Variants in KCNG3 observed in about 807,000 individuals in gnomAD.
The protein encoded by KCNG3 is potassium voltage-gated channel modifier subfamily G member 3.
KCNG3 carries 15 observed loss-of-function variants against 29.0 expected under a neutral mutation model. The observed-to-expected ratio is 0.52, with a 90% CI of 0.35 to 0.80. The LOEUF (loss-of-function observed/expected upper bound fraction) is 0.80, where lower values mean the gene tolerates loss of function less well. Ranked by LOEUF, KCNG3 falls within the 30% of genes least tolerant of loss-of-function variation. KCNG3 has a pLI of 0.01. For missense variants in KCNG3, 512 were observed against 605.7 expected (o/e 0.85, Z 1.62); for synonymous variants, 322 against 248.9 (o/e 1.29, Z -2.76).
At chr2:42,404,084 A>C in the KCNG3 span, among the ~76,000 whole-genome samples, 4 of 152,202 alleles carry the variant, frequency 2.6e-5, no homozygotes, top group Non-Finnish European at 5.9e-5. Flanking sequence ...CCGGCCCATA[A>C]AACGGTCCAG....
At position 42,475,453 on chromosome 2, in the gene KCNG3, C is replaced by T. The variant is rs564743583; in HGVS notation, c.665+17384G>A. On this transcript the variant is annotated intron_variant, in intron 1 of 1. Transcript: ENST00000306078. The stretch of plus-strand genomic sequence containing the variant: ...AAGTGATTCTCGTGCCTCAGCCTCC[C>T]GGATAGCTGGGATAAGAGGTGCACA... 6.1e-4 allele frequency among the ~76,000 whole-genome samples: 92 copies of T among 151,528 alleles called. 1 individual carries two copies. The highest frequency in any genetic ancestry group is 2.0e-3 in the African/African-American group (84 of 41,320).
In KCNG3 at chr2:42,444,517, G is replaced by C; in HGVS notation, c.728C>G (p.Ser243Cys). The C allele has an allele frequency of 6.2e-7, 1 of 1,614,086 alleles. No individual in the cohort carries two copies. The highest frequency in any genetic ancestry group is 8.5e-7 in the Non-Finnish European group (1 of 1,179,998). Residue 243 changes from serine (S) to cysteine (C), a missense_variant, in exon 2 of 2, where the codon TCC becomes TGC. Ser to Cys is a moderately radical substitution (Grantham distance 112). This residue lies in a region of KCNG3 where 173 missense variants were observed against 262.4 expected (regional missense o/e 0.66). Transcript: ENST00000306078. This position sits in a 1 kb window ranked among gnomAD's most constrained non-coding sequence, Gnocchi z 5.8. ...TAECIVRFIV[S>C]KNKCEFVKRP... ...CTTGACAAACTCACACTTGTTTTTG[G>C]AGACAATGAACCTCACGATGCACTC...
At chr2:42,414,997 T>C in the KCNG3 span, among the ~76,000 whole-genome samples, 1 of 152,340 alleles carries the variant, frequency 6.6e-6, no homozygotes, top group Admixed American at 6.5e-5. Context: ...ACTGTTTATA[T>C]TTCTTGATAT....
intron 1 of KCNG3, among the ~76,000 whole-genome samples, chr2:42,474,922 A>G (rs1024335314): frequency 1.3e-5 from 2 of 152,190 alleles, no homozygotes; most frequent in African/African-American, 2.4e-5. Context: ...AGCTGACCCA[A>G]TGTACACGAC....
the KCNG3 span, among the ~76,000 whole-genome samples, chr2:42,393,629 T>C: frequency 6.6e-6 from 1 of 152,160 alleles, no homozygotes; most frequent in Non-Finnish European, 1.5e-5. Flanking sequence ...ATAGTACTGT[T>C]AGACTTAGAC....
the KCNG3 span, among the ~76,000 whole-genome samples, chr2:42,414,285 T>A: frequency 6.6e-6 from 1 of 152,182 alleles, no homozygotes; most frequent in African/African-American, 2.4e-5. Context: ...GGTCCTTGTG[T>A]GTGTTAAAAT....
chr2:42,473,522 G>T (rs529085207), intron 1 of KCNG3, among the ~76,000 whole-genome samples: 74 of 151,714 alleles, frequency 4.9e-4, no homozygotes, highest in African/African-American at 1.6e-3. Flanking sequence ...ACTAATTTTT[G>T]TATTTTTAGT....
intron 1 of KCNG3, among the ~76,000 whole-genome samples, chr2:42,482,566 T>C (rs568275847): frequency 1.3e-5 from 2 of 152,024 alleles, no homozygotes; most frequent in East Asian, 3.9e-4. Flanking sequence ...CTACTAAAAA[T>C]ACAAAAATTA....
the KCNG3 span, among the ~76,000 whole-genome samples, chr2:42,428,458 G>GA: frequency 0.026 from 2,743 of 104,414 alleles, 171 homozygotes; most frequent in African/African-American, 0.1. Context: ...CCCGGTCTCG[G>GA]GAAAAAAAAA....
At chr2:42,441,614 T>C (rs1672479612), downstream of KCNG3, among the ~76,000 whole-genome samples, 3 of 151,858 alleles carry the variant, frequency 2.0e-5, no homozygotes. Context: ...AAATCGGTCC[T>C]ATGGAAAGTC....
chr2:42,443,859 A>G lies in KCNG3; in HGVS notation c.*75T>C. On this transcript the variant is annotated 3_prime_UTR_variant, in exon 2 of 2. Coordinates refer to ENST00000306078, the MANE Select transcript of KCNG3 (RefSeq NM_133329.6). ...GACAATGCCACTGCAGTGCTCACCC[A>G]GCAAGAAACACATAAATATGAAGCA... 1.4e-6 allele frequency: 2 copies of G among 1,404,190 alleles called. No homozygotes were observed. The highest frequency in any genetic ancestry group is 2.7e-5 in the South Asian group (2 of 73,248). The allele number at this position is 1,404,190 out of a possible 1,614,324, so 87.0% of individuals were successfully genotyped here.
chr2:42,493,372 C>A lies in KCNG3; in HGVS notation c.130G>T (p.Glu44Ter). Residue 44 changes from glutamate (E) to a stop codon, truncating the protein, a stop_gained, in exon 1 of 2, where the codon GAG becomes TAG. Coordinates refer to ENST00000306078, the MANE Select transcript of KCNG3 (RefSeq NM_133329.6). LOFTEE classifies it high-confidence loss of function. ...TCGCACACCTCGAGCACGTCGCGCT[C>A]GGAGCGGCAGCCGTGCAGCCGGCTC... Reference protein sequence around the residue: ...RVSRLHGCRSERDVLEVCDDY... With the variant: ...RVSRLHGCRS The A allele has an allele frequency of 6.4e-7, 1 of 1,562,358 alleles. No homozygotes were observed. Among genetic ancestry groups the A allele is most frequent in the Non-Finnish European group, 8.7e-7 (1 of 1,153,852 alleles).
chr2:42,433,426 A>G, the KCNG3 span, among the ~76,000 whole-genome samples: 4 of 152,098 alleles, frequency 2.6e-5, no homozygotes, highest in South Asian at 2.1e-4. Context: ...TCTACCATCA[A>G]TGTGGGCAGG....
In KCNG3 at chr2:42,492,950, G is replaced by A; in HGVS notation, c.552C>T (p.Ser184=). The A allele has an allele frequency of 6.3e-7, 1 of 1,588,754 alleles. No individual in the cohort carries two copies. The highest frequency in any genetic ancestry group is 8.5e-7 in the Non-Finnish European group (1 of 1,171,078). ...ACGTGCTGGCGCACAGCACCACCAT[G>A]GACACGATCACGAACACCACCGACA... The part of the protein sequence containing the change: ...ASVSVVFVIV[S]MVVLCASTLP... The change falls in exon 1 of 2, where the codon TCC becomes TCT. Residue 184 remains serine, a synonymous_variant. Transcript: ENST00000306078.
chr2:42,492,268 G>C (rs1673898895), intron 1 of KCNG3, among the ~76,000 whole-genome samples: 1 of 152,126 alleles, frequency 6.6e-6, no homozygotes, highest in African/African-American at 2.4e-5. Flanking sequence ...GTAGGAAAAG[G>C]GGGAAGAAAA....
At chr2:42,416,628 A>G in the KCNG3 span, among the ~76,000 whole-genome samples, 1 of 151,966 alleles carries the variant, frequency 6.6e-6, no homozygotes, top group Non-Finnish European at 1.5e-5. Context: ...CAGGAGTTCA[A>G]AACCAGCCTG....
chr2:42,438,111 A>G (rs1051548012), downstream of KCNG3, among the ~76,000 whole-genome samples: 3 of 152,194 alleles, frequency 2.0e-5, no homozygotes, highest in Non-Finnish European at 4.4e-5. Context: ...CATCAGAGTT[A>G]TAAGATCGAG....
At position 42,471,467 on chromosome 2, in the gene KCNG3, G is replaced by T. The variant is rs114209878; in HGVS notation, c.665+21370C>A. On this transcript the variant is annotated intron_variant, in intron 1 of 1. Transcript: ENST00000306078. ...ATAGGCAAATCCATGGAGATAGATA[G>T]CAGATGGTTGTCAGGGTATGCGAGG... is the stretch of plus-strand genomic sequence containing the variant. 8.1e-4 allele frequency among the ~76,000 whole-genome samples: 123 copies of T among 152,204 alleles called. 1 individual carries two copies. The highest frequency in any genetic ancestry group is 2.3e-3 in the Admixed American group (35 of 15,274).
At chr2:42,413,548 C>A in the KCNG3 span, among the ~76,000 whole-genome samples, 65 of 152,034 alleles carry the variant, frequency 4.3e-4, no homozygotes, top group Non-Finnish European at 7.1e-4. Flanking sequence ...GTCTTCTAGT[C>A]ATATCACTTA....
Sources: gnomAD v4.1 joint callset for allele counts (sites outside exome capture counted in the v4.1 genomes callset) on GRCh38, gnomAD v4.1.1 for gene constraint, gnomAD v4.1.1 regional missense constraint, Gnocchi (gnomAD v3.1) non-coding constraint, MANE v1.5 for transcripts, NCBI Gene and HGNC (gene_info 2026-07-23, HGNC 2026-07-21) for gene names.